ESYT2: variants seen among roughly 807,000 people sequenced by gnomAD.
The protein encoded by ESYT2 is extended synaptotagmin 2.
In ESYT2, 54 loss-of-function variants were observed where a neutral mutation model predicts 107.2. The ratio of observed to expected loss-of-function variants is 0.50; its 90% CI spans 0.40 to 0.63. The LOEUF (loss-of-function observed/expected upper bound fraction) is 0.63. Among genes scored for constraint, ESYT2 ranks in the 30% least tolerant of loss-of-function variants. ESYT2 has a pLI of 0.00. For synonymous variants in ESYT2, 491 were observed against 434.1 expected, an observed-to-expected ratio of 1.13 and a Z score of -1.63; for missense variants, 1,020 against 1,094.5, an observed-to-expected ratio of 0.93 and a Z score of 0.96.
At chr7:158,772,040 T>C (rs1183217410) in intron 7 of ESYT2, among the ~76,000 whole-genome samples, 1 of 151,746 alleles carries the variant, frequency 6.6e-6, no homozygotes, top group African/African-American at 2.4e-5. Flanking sequence ...GAGAATTGCT[T>C]GAACCTGGGA....
At chr7:158,795,674 T>C (rs1433345498) in intron 3 of ESYT2, among the ~76,000 whole-genome samples, 1 of 152,268 alleles carries the variant, frequency 6.6e-6, no homozygotes, top group Non-Finnish European at 1.5e-5. Flanking sequence ...TCACTGGGAC[T>C]TTAACCTGCA....
rs528941492 is a variant in ESYT2 at position 158,743,376 on chromosome 7, A to G, written c.1794+153T>C. Among the ~76,000 whole-genome samples the G allele has an allele frequency of 2.6e-3, 394 of 152,240 alleles. 5 individuals are homozygous for G. The highest frequency in any genetic ancestry group is 8.9e-3 in the African/African-American group (370 of 41,534). Reference sequence around the variant, plus strand: ...CGGAACCCTCTGATACCCAGCAACAATATCTCCTCCCTGCACCGGCGCCCT... The same window carrying G: ...CGGAACCCTCTGATACCCAGCAACAGTATCTCCTCCCTGCACCGGCGCCCT... On this transcript the variant is annotated intron_variant, in intron 17 of 22. Transcript: ENST00000275418.
intron 6 of ESYT2, among the ~76,000 whole-genome samples, chr7:158,782,817 T>C (rs1479163526): frequency 6.6e-6 from 1 of 152,046 alleles, no homozygotes; most frequent in Non-Finnish European, 1.5e-5. Flanking sequence ...TGAGAACAAG[T>C]CTGTGAGAAT....
Position 158,809,877 on chromosome 7 carries a change from C to G in ESYT2, c.331-10805G>C, listed in dbSNP as rs77570412. Among the ~76,000 whole-genome samples, 32 of 152,312 alleles carry G rather than the reference C, an allele frequency of 2.1e-4. 1 individual carries two copies. The highest frequency in any genetic ancestry group is 1.7e-3 in the South Asian group (8 of 4,824). ...GCTGGCTGTTTCTGTAGCTCACTTT[C>G]TTTTTTCTGCTCATAAATCTTCTTC... is the stretch of plus-strand genomic sequence containing the variant. On this transcript the variant is annotated intron_variant, in intron 1 of 22. Coordinates refer to ENST00000275418, the MANE Select transcript of ESYT2 (RefSeq NM_001367773.1).
At position 158,743,766 on chromosome 7, in the gene ESYT2, C is replaced by T. The variant is rs1252519299; in HGVS notation, c.1645-88G>A. On this transcript the variant is annotated intron_variant, in intron 16 of 22. Coordinates refer to ENST00000275418, the MANE Select transcript of ESYT2 (RefSeq NM_001367773.1). Reference sequence around the variant, plus strand: ...TTGTCTACGCTCCTGACCCTTTGTCCTCAGAGATAGGAACTTAGAAAATGT... The same window carrying T: ...TTGTCTACGCTCCTGACCCTTTGTCTTCAGAGATAGGAACTTAGAAAATGT... 2.1e-6 allele frequency: 3 copies of T among 1,411,860 alleles called. No homozygotes were observed. The East Asian group carries it at 8.3e-5, about 39-fold the overall frequency. The allele number at this position is 1,411,860 out of a possible 1,614,324, so 87.5% of individuals were successfully genotyped here. A position where few individuals can be genotyped will look rare whatever the true frequency, so the allele number is the denominator to read the frequency against.
chr7:158,754,646 C>A (rs1390240690), intron 13 of ESYT2, among the ~76,000 whole-genome samples: 2 of 152,198 alleles, frequency 1.3e-5, no homozygotes, highest in African/African-American at 4.8e-5. Flanking sequence ...CCACTCATCT[C>A]AGATGAATTC....
chr7:158,742,593 A>G (rs993674732), intron 17 of ESYT2, among the ~76,000 whole-genome samples: 2 of 152,164 alleles, frequency 1.3e-5, no homozygotes, highest in East Asian at 3.9e-4. Flanking sequence ...TCACCCCAAC[A>G]ACCTGACATG....
chr7:158,764,955 C>A, intron 8 of ESYT2, 102 bp from the exon 9 acceptor site: 1 of 1,197,776 alleles, frequency 8.3e-7, no homozygotes, highest in Non-Finnish European at 1.2e-6. Flanking sequence ...TTGGGAGTGC[C>A]GAGGGAATAA....
At chr7:158,764,209 T>C (rs1838073040) in intron 9 of ESYT2, among the ~76,000 whole-genome samples, 1 of 152,190 alleles carries the variant, frequency 6.6e-6, no homozygotes, top group African/African-American at 2.4e-5. Flanking sequence ...CTGAATAGCC[T>C]AGGCCTCTCT....
chr7:158,810,582 T>G (rs1839965846), intron 1 of ESYT2, among the ~76,000 whole-genome samples: 1 of 151,854 alleles, frequency 6.6e-6, no homozygotes, highest in Non-Finnish European at 1.5e-5. Context: ...CTCAGGAGGC[T>G]GAGATGGCAG....
intron 19 of ESYT2, 136 bp from the exon 20 acceptor site, chr7:158,737,315 G>A: frequency 8.3e-7 from 1 of 1,201,790 alleles, no homozygotes; most frequent in Non-Finnish European, 1.1e-6. Context: ...CAGAATGCGT[G>A]AGGCGCTTTT....
intron 14 of ESYT2, among the ~76,000 whole-genome samples, chr7:158,751,887 T>G (rs1837599284): frequency 6.6e-6 from 1 of 152,216 alleles, no homozygotes; most frequent in African/African-American, 2.4e-5. Context: ...GAGGGCACAG[T>G]TATTTCAACT....
intron 1 of ESYT2, among the ~76,000 whole-genome samples, chr7:158,803,599 T>A (rs911705134): frequency 1.3e-5 from 2 of 152,182 alleles, no homozygotes; most frequent in African/African-American, 4.8e-5. Context: ...TGAATTAAAG[T>A]CAGCGCAAAT....
chr7:158,792,652 A>G (rs1584857856), intron 4 of ESYT2, among the ~76,000 whole-genome samples: 1 of 151,694 alleles, frequency 6.6e-6, no homozygotes, highest in East Asian at 1.9e-4. Flanking sequence ...AACTGCTCCA[A>G]CTAGAACTCA....
intron 6 of ESYT2, among the ~76,000 whole-genome samples, chr7:158,782,099 GACA>G (rs146775452): frequency 6.4e-4 from 97 of 151,686 alleles, no homozygotes; most frequent in Non-Finnish European, 1.2e-3. Context: ...GTGAGTGAAC[GACA>G]ACAAAGTGTG....
At chr7:158,762,260 G>C (rs1393473836) in intron 10 of ESYT2, among the ~76,000 whole-genome samples, 1 of 152,060 alleles carries the variant, frequency 6.6e-6, no homozygotes, top group Non-Finnish European at 1.5e-5. Context: ...CCTGGTCTAT[G>C]ACACACTCTC....
In ESYT2 at chr7:158,734,014, A is replaced by C. The variant is rs1836831034; in HGVS notation, c.*193T>G. The C allele has an allele frequency of 6.2e-6, 4 of 644,074 alleles. No homozygotes were observed. The highest frequency in any genetic ancestry group is 1.0e-5 in the Non-Finnish European group (4 of 385,204). 39.9% of individuals were successfully genotyped at this position (644,074 alleles called of 1,614,324 possible). Reference sequence around the variant, plus strand: ...GTAGGAACTGGCGAAATCCTAGAGGAAATCCAACACAGAAAATTCAATGAT... The same window carrying C: ...GTAGGAACTGGCGAAATCCTAGAGGCAATCCAACACAGAAAATTCAATGAT... On this transcript the variant is annotated 3_prime_UTR_variant, in exon 23 of 23. Coordinates refer to ENST00000275418, the MANE Select transcript of ESYT2 (RefSeq NM_001367773.1).
chr7:158,795,716 T>C (rs1436088268), intron 3 of ESYT2, among the ~76,000 whole-genome samples: 2 of 148,480 alleles, frequency 1.3e-5, no homozygotes, highest in Non-Finnish European at 1.5e-5. Context: ...TAATTGTGTT[T>C]TTTCCCATCT....
intron 2 of ESYT2, among the ~76,000 whole-genome samples, chr7:158,798,818 C>T (rs1170438878): frequency 6.6e-6 from 1 of 152,074 alleles, no homozygotes; most frequent in African/African-American, 2.4e-5. Context: ...ATGCACATGC[C>T]TATACTTTTC....
Sources: gnomAD v4.1 joint callset for allele counts (sites outside exome capture counted in the v4.1 genomes callset) on GRCh38, gnomAD v4.1.1 for gene constraint, MANE v1.5 for transcripts, NCBI Gene and HGNC (gene_info 2026-07-23, HGNC 2026-07-21) for gene names.